Variants in CNTNAP5 observed in about 807,000 individuals in gnomAD.
CNTNAP5 encodes contactin-associated protein-like 5.
In CNTNAP5, 72 loss-of-function variants were observed where a neutral mutation model predicts 150.2. The ratio of observed to expected loss-of-function variants is 0.48; its 90% CI spans 0.40 to 0.58. The LOEUF is 0.58. CNTNAP5 is among the 20% of genes least tolerant of loss of function. CNTNAP5 has a pLI of 0.00. For missense variants in CNTNAP5, 1,636 were observed against 1,626.2 expected (o/e 1.01, Z -0.10); for synonymous variants, 672 against 619.8 (o/e 1.08, Z -1.25).
chr2:124,182,003 G>C (rs1338323718), intron 1 of CNTNAP5, among the ~76,000 whole-genome samples: 1 of 152,164 alleles, frequency 6.6e-6, no homozygotes, highest in African/African-American at 2.4e-5. Flanking sequence ...ATTCCAAAAT[G>C]TATTAGACAT....
At chr2:124,900,315 A>C (rs1210853740) in intron 21 of CNTNAP5, among the ~76,000 whole-genome samples, 2 of 151,658 alleles carry the variant, frequency 1.3e-5, no homozygotes, top group African/African-American at 4.9e-5. Flanking sequence ...TATTATAAGA[A>C]ACTAAAATCA....
chr2:124,153,502 C>A, intron 1 of CNTNAP5, among the ~76,000 whole-genome samples: 1 of 151,190 alleles, frequency 6.6e-6, no homozygotes, highest in Non-Finnish European at 1.5e-5. Flanking sequence ...AAGATACTGG[C>A]AGATTCTGTG....
intron 21 of CNTNAP5, among the ~76,000 whole-genome samples, chr2:124,893,628 G>A (rs936074589): frequency 5.3e-5 from 8 of 152,092 alleles, no homozygotes; most frequent in Admixed American, 5.2e-4. Context: ...ATATTGCCTT[G>A]TAGTATGAGA....
chr2:124,544,923 A>G (rs1695478803), intron 10 of CNTNAP5, among the ~76,000 whole-genome samples: 1 of 152,180 alleles, frequency 6.6e-6, no homozygotes, highest in South Asian at 2.1e-4. Flanking sequence ...TCTCCCAAAG[A>G]CAATTACATC....
intron 13 of CNTNAP5, among the ~76,000 whole-genome samples, chr2:124,737,045 T>C (rs11123064): frequency 0.26 from 38,791 of 151,804 alleles, 5,521 homozygotes; most frequent in Non-Finnish European, 0.34. Context: ...GTAATCTCAG[T>C]ACTTTGGGAG....
At chr2:124,529,969 A>G (rs1274453234) in intron 10 of CNTNAP5, among the ~76,000 whole-genome samples, 1 of 152,188 alleles carries the variant, frequency 6.6e-6, no homozygotes, top group African/African-American at 2.4e-5. Context: ...TTACATACTT[A>G]AACGGTATTA....
At chr2:124,795,445 T>A (rs946068116) in intron 18 of CNTNAP5, among the ~76,000 whole-genome samples, 4 of 152,180 alleles carry the variant, frequency 2.6e-5, no homozygotes, top group Non-Finnish European at 5.9e-5. Flanking sequence ...ATTGTCTCTG[T>A]CGCTAACACA....
intron 22 of CNTNAP5, among the ~76,000 whole-genome samples, chr2:124,905,789 G>A (rs1011037795): frequency 6.6e-6 from 1 of 152,152 alleles, no homozygotes; most frequent in Non-Finnish European, 1.5e-5. Flanking sequence ...GAACCAGGTA[G>A]GCAAGCTTGA....
chr2:124,637,752 T>A lies in CNTNAP5; in HGVS notation c.1877-10006T>A, dbSNP rs972388925. Among the ~76,000 whole-genome samples the A allele has an allele frequency of 3.9e-5, 6 of 152,264 alleles. No individual in the cohort carries two copies. The East Asian group carries it at 1.2e-3, about 29-fold the overall frequency. On this transcript the variant is annotated intron_variant, in intron 12 of 23. Transcript: ENST00000682447. ...CTGAAGTCTTACCTACAGAAGAGAT[T>A]TTTTTCCCTTTCCCTGACTCCATCT...
intron 19 of CNTNAP5, among the ~76,000 whole-genome samples, chr2:124,830,282 A>G (rs929652369): frequency 6.6e-6 from 1 of 152,094 alleles, no homozygotes; most frequent in Admixed American, 6.6e-5. Context: ...ATTTCACTAG[A>G]GTCATAACAT....
chr2:124,320,011 T>C (rs1462317542), intron 3 of CNTNAP5, among the ~76,000 whole-genome samples: 1 of 152,260 alleles, frequency 6.6e-6, no homozygotes, highest in African/African-American at 2.4e-5. Context: ...CAACTGATTC[T>C]GTTTTAATGT....
At chr2:124,063,173 G>A (rs1048148423) in intron 1 of CNTNAP5, among the ~76,000 whole-genome samples, 1 of 151,880 alleles carries the variant, frequency 6.6e-6, no homozygotes, top group African/African-American at 2.4e-5. Flanking sequence ...AACTAATACA[G>A]CCAAATAATG....
At chr2:124,407,560 A>G (rs1691606214) in intron 3 of CNTNAP5, among the ~76,000 whole-genome samples, 1 of 152,168 alleles carries the variant, frequency 6.6e-6, no homozygotes, top group Non-Finnish European at 1.5e-5. Flanking sequence ...CAGGTACTTC[A>G]ATACCCTTCT....
intron 3 of CNTNAP5, among the ~76,000 whole-genome samples, chr2:124,307,003 T>G (rs1353044025): frequency 6.6e-6 from 1 of 152,020 alleles, no homozygotes; most frequent in Non-Finnish European, 1.5e-5. Flanking sequence ...GCTGGGATTA[T>G]AGGAATGAGC....
At chr2:124,410,362 C>T (rs188565068) in intron 3 of CNTNAP5, among the ~76,000 whole-genome samples, 2,595 of 148,728 alleles carry the variant, frequency 0.017, 29 homozygotes, top group African/African-American at 0.064. Context: ...TTGAACTCAG[C>T]TCTGCACCAA....
intron 22 of CNTNAP5, among the ~76,000 whole-genome samples, chr2:124,909,764 GCTCT>G (rs1042849296): frequency 7.8e-6 from 1 of 127,540 alleles, no homozygotes; most frequent in Non-Finnish European, 1.6e-5. Flanking sequence ...TTATCTGCCC[GCTCT>G]CTCTCTGTCT....
intron 10 of CNTNAP5, among the ~76,000 whole-genome samples, chr2:124,553,373 G>A (rs1392384598): frequency 1.3e-5 from 2 of 151,966 alleles, no homozygotes; most frequent in Admixed American, 6.6e-5. Context: ...GCACACTGGC[G>A]CGTGCCTGTA....
At chr2:124,684,954 C>G (rs80231929) in intron 13 of CNTNAP5, among the ~76,000 whole-genome samples, 1 of 152,072 alleles carries the variant, frequency 6.6e-6, no homozygotes, top group South Asian at 2.1e-4. Context: ...TTTTAATCAC[C>G]AGGCCTTCCT....
chr2:124,527,286 G>T lies in CNTNAP5; in HGVS notation c.1479G>T (p.Gly493=). The T allele has an allele frequency of 1.2e-6, 2 of 1,612,414 alleles. No homozygotes were observed. The highest frequency in any genetic ancestry group is 1.7e-6 in the Non-Finnish European group (2 of 1,179,062). Residue 493 remains glycine (G), a splice_region_variant and synonymous_variant, in exon 10 of 24, where the codon GGG becomes GGT. Transcript: ENST00000682447. ...IYSGNSYYFG[G]CPDNLTDSQC... ...TCATCTTTTTTCTCTGTCCCACAGG[G>T]TGCCCCGACAATCTCACCGATTCCC...
Sources: allele counts gnomAD v4.1 joint callset (sites outside exome capture counted in the v4.1 genomes callset), GRCh38; gene constraint gnomAD v4.1.1; transcripts MANE v1.5; gene names NCBI Gene and HGNC (gene_info 2026-07-23, HGNC 2026-07-21).